The following PRKCE variants were observed in gnomAD, a reference collection of about 807,000 sequenced individuals.
PRKCE encodes the protein protein kinase C epsilon.
PRKCE carries 16 observed loss-of-function variants against 85.4 expected under a neutral mutation model. The observed-to-expected ratio is 0.19, with a 90% CI of 0.13 to 0.28. PRKCE has a LOEUF of 0.28. PRKCE is among the 10% of genes least tolerant of loss of function. The pLI, the probability that PRKCE is intolerant of heterozygous loss-of-function variation, is 1.00. For synonymous variants in PRKCE, 388 were observed against 371.5 expected (o/e 1.04, Z -0.51); for missense variants, 573 against 975.2 (o/e 0.59, Z 5.49).
At chr2:45,955,268 C>G (rs557995738) in intron 2 of PRKCE, among the ~76,000 whole-genome samples, 23 of 152,122 alleles carry the variant, frequency 1.5e-4, no homozygotes, top group African/African-American at 4.6e-4. Flanking sequence ...GACGAGAGGG[C>G]AGAAAGTCCT....
chr2:45,922,688 C>T (rs1395633833), intron 2 of PRKCE, among the ~76,000 whole-genome samples: 6 of 152,200 alleles, frequency 3.9e-5, no homozygotes, highest in Non-Finnish European at 8.8e-5. Flanking sequence ...GAGGCAAGAG[C>T]AGCTCTTTAA....
At chr2:45,941,908 G>A (rs900912156) in intron 2 of PRKCE, among the ~76,000 whole-genome samples, 3 of 152,174 alleles carry the variant, frequency 2.0e-5, no homozygotes, top group Admixed American at 6.5e-5. Flanking sequence ...AGCTGGAGGA[G>A]AGTTTTACCT....
intron 1 of PRKCE, among the ~76,000 whole-genome samples, chr2:45,702,089 T>C (rs1678690985): frequency 6.6e-6 from 1 of 152,124 alleles, no homozygotes; most frequent in South Asian, 2.1e-4. Flanking sequence ...CTCAGGGGGC[T>C]GAGGCAGGAG....
intron 2 of PRKCE, among the ~76,000 whole-genome samples, chr2:45,844,744 C>T (rs906084115): frequency 1.3e-5 from 2 of 152,140 alleles, no homozygotes; most frequent in African/African-American, 4.8e-5. Context: ...CAATGGGAGG[C>T]TGGGACTATT....
chr2:46,094,609 A>G (rs1254445694), intron 11 of PRKCE, among the ~76,000 whole-genome samples: 1 of 144,800 alleles, frequency 6.9e-6, no homozygotes, highest in African/African-American at 2.5e-5. Context: ...GGGGAACTAC[A>G]CACACTGGGG....
rs116343343 is a variant in PRKCE at position 45,871,983 on chromosome 2, A to G, written c.412+28920A>G. 4.5e-3 allele frequency among the ~76,000 whole-genome samples: 678 copies of G among 152,306 alleles called. 4 individuals are homozygous for G. Among genetic ancestry groups the G allele is most frequent in the African/African-American group, 0.016 (654 of 41,550 alleles). On this transcript the variant is annotated intron_variant, in intron 2 of 14. Transcript: ENST00000306156. ...GACGGAGTTAGTGTGACAGTACCCT[A>G]TGCCAGGCACCATGGGAGGCACTGG...
chr2:46,088,371 C>A lies in PRKCE; in HGVS notation c.1592+2009C>A, dbSNP rs574481837. Among the ~76,000 whole-genome samples the A allele has an allele frequency of 8.5e-5, 13 of 152,286 alleles. No homozygotes were observed. The East Asian group carries it at 2.3e-3, about 27-fold the overall frequency. ...CCAAAACCCCATGTAGCACTGCCTG[C>A]CTGGCCCCATCAGCCAGAGTGAGTC... On this transcript the variant is annotated intron_variant, in intron 11 of 14. Transcript: ENST00000306156.
chr2:45,906,614 T>C (rs762815270), intron 2 of PRKCE, among the ~76,000 whole-genome samples: 1 of 152,152 alleles, frequency 6.6e-6, no homozygotes, highest in Admixed American at 6.5e-5. Flanking sequence ...CGTCCTTTGA[T>C]CTTACCTCTG....
intron 10 of PRKCE, among the ~76,000 whole-genome samples, chr2:46,042,936 T>C (rs569154015): frequency 2.3e-3 from 350 of 152,310 alleles, no homozygotes; most frequent in African/African-American, 8.1e-3. Flanking sequence ...AGAAACCACA[T>C]TGGCCTCTGT....
At chr2:46,017,520 G>C (rs570949823) in intron 10 of PRKCE, among the ~76,000 whole-genome samples, 111 of 152,310 alleles carry the variant, frequency 7.3e-4, no homozygotes, top group African/African-American at 2.6e-3. Flanking sequence ...ATGGTTGTCT[G>C]AATATTTCTT....
chr2:46,039,446 A>G (rs190309386), intron 10 of PRKCE, among the ~76,000 whole-genome samples: 299 of 152,222 alleles, frequency 2.0e-3, no homozygotes, highest in African/African-American at 6.7e-3. Context: ...TTATTGCTCA[A>G]TGAGCCTCCA....
intron 10 of PRKCE, among the ~76,000 whole-genome samples, chr2:46,084,880 C>T (rs541883783): frequency 7.2e-5 from 11 of 152,264 alleles, no homozygotes; most frequent in Admixed American, 2.0e-4. Context: ...CTGCTGCCCC[C>T]GACCTTCTTT....
In PRKCE at chr2:45,789,834, C is replaced by T. The variant is rs193178152; in HGVS notation, c.349-53166C>T. ...TTAAATCTACATTTTCTGAGAAGCT[C>T]GGAATTTTAAAAAATGTATTAGTAT... On this transcript the variant is annotated intron_variant, in intron 1 of 14. Coordinates refer to ENST00000306156, the MANE Select transcript of PRKCE (RefSeq NM_005400.3). Among the ~76,000 whole-genome samples the T allele has an allele frequency of 2.7e-3, 411 of 152,142 alleles. No individual in the cohort carries two copies. The Middle Eastern group carries it at 0.027, about 10-fold the overall frequency.
intron 11 of PRKCE, among the ~76,000 whole-genome samples, chr2:46,134,152 T>G (rs1674728378): frequency 6.6e-6 from 1 of 152,242 alleles, no homozygotes. Context: ...ATCTGGCTGC[T>G]TGGGGCCACG....
At position 46,123,914 on chromosome 2, in the gene PRKCE, A is replaced by C. The variant is rs567185206; in HGVS notation, c.1593-21179A>C. ...AGAAGCAAATGTTTACAAGGCATGC[A>C]CTGATTGACAGGGGTGCTAACTCAA... On this transcript the variant is annotated intron_variant, in intron 11 of 14. Coordinates refer to ENST00000306156, the MANE Select transcript of PRKCE (RefSeq NM_005400.3). Among the ~76,000 whole-genome samples the C allele has an allele frequency of 2.0e-5, 3 of 152,378 alleles. No individual in the cohort carries two copies. In the East Asian group the frequency reaches 5.8e-4, roughly 29 times the overall value.
intron 1 of PRKCE, among the ~76,000 whole-genome samples, chr2:45,817,270 T>A (rs1307249147): frequency 1.3e-5 from 2 of 152,212 alleles, no homozygotes; most frequent in Admixed American, 1.3e-4. Context: ...AGTACCAACT[T>A]TCAAATATCT....
chr2:45,724,590 C>T (rs990188469), intron 1 of PRKCE, among the ~76,000 whole-genome samples: 1 of 152,142 alleles, frequency 6.6e-6, no homozygotes, highest in Non-Finnish European at 1.5e-5. Flanking sequence ...CACCAGACGG[C>T]CAAGTTGTGA....
At position 45,753,773 on chromosome 2, in the gene PRKCE, T is replaced by C. The variant is rs1683776950; in HGVS notation, c.349-89227T>C. Among the ~76,000 whole-genome samples, 5 of 152,240 alleles carry C rather than the reference T, an allele frequency of 3.3e-5. No homozygotes were observed. In the South Asian group the frequency reaches 8.3e-4, roughly 25 times the overall value. ...TTTTAACATTTTTGCTTCATCTTTTTCTTGCGGAAATATTCTAAAGCCAAT... is the reference window on the plus strand; with the variant it reads ...TTTTAACATTTTTGCTTCATCTTTTCCTTGCGGAAATATTCTAAAGCCAAT... On this transcript the variant is annotated intron_variant, in intron 1 of 14. Transcript: ENST00000306156.
intron 2 of PRKCE, among the ~76,000 whole-genome samples, chr2:45,915,109 G>A (rs143798852): frequency 8.5e-5 from 13 of 152,220 alleles, no homozygotes; most frequent in African/African-American, 2.6e-4. Flanking sequence ...GGCTGGTCTC[G>A]AACTCCTTAC....
Sources: gnomAD v4.1 joint callset for allele counts (sites outside exome capture counted in the v4.1 genomes callset) on GRCh38, gnomAD v4.1.1 for gene constraint, MANE v1.5 for transcripts, NCBI Gene and HGNC (gene_info 2026-07-23, HGNC 2026-07-21) for gene names.